Variants in MCUR1 observed in about 807,000 individuals in gnomAD.
MCUR1 encodes mitochondrial calcium uniporter regulator 1.
Under a neutral mutation model 42.0 loss-of-function variants are expected in MCUR1, and 37 were observed. The ratio of observed to expected loss-of-function variants is 0.88; its 90% CI spans 0.68 to 1.16. The LOEUF is 1.16. MCUR1 is among the 50% of genes most tolerant of loss of function. The probability of loss-of-function intolerance (pLI) is 0.00; values close to 1 mark genes in which losing one functional copy is unlikely to be tolerated. For synonymous variants in MCUR1, 229 were observed against 196.2 expected (o/e 1.17, Z -1.40); for missense variants, 469 against 468.4 (o/e 1.00, Z -0.01).
At chr6:13,805,976 C>T (rs974914990) in intron 2 of MCUR1, among the ~76,000 whole-genome samples, 1 of 152,116 alleles carries the variant, frequency 6.6e-6, no homozygotes, top group East Asian at 1.9e-4. Flanking sequence ...AAAAAGAGGG[C>T]TGGGCGCGGT....
At chr6:13,812,557 A>T (rs992698024) in intron 1 of MCUR1, among the ~76,000 whole-genome samples, 1 of 152,240 alleles carries the variant, frequency 6.6e-6, no homozygotes, top group African/African-American at 2.4e-5. Flanking sequence ...AAAATACAGA[A>T]TAAAGACCAA....
intron 1 of MCUR1, 22 bp from the exon 2 acceptor site, chr6:13,807,066 G>GT: frequency 6.3e-7 from 1 of 1,579,944 alleles, no homozygotes; most frequent in Non-Finnish European, 8.6e-7. Context: ...AGGACAGTAA[G>GT]CTCAAAACAG....
At chr6:13,806,090 T>C (rs1410670358) in intron 2 of MCUR1, among the ~76,000 whole-genome samples, 2 of 151,714 alleles carry the variant, frequency 1.3e-5, no homozygotes, top group African/African-American at 4.8e-5. Context: ...CCCATCTCTA[T>C]GAAAAACACA....
intron 2 of MCUR1, among the ~76,000 whole-genome samples, chr6:13,805,898 A>G (rs1760101974): frequency 6.6e-6 from 1 of 152,234 alleles, no homozygotes; most frequent in Admixed American, 6.5e-5. Context: ...AATGAATGCC[A>G]TATATACCAG....
chr6:13,799,787 T>C (rs1304804373), intron 5 of MCUR1, among the ~76,000 whole-genome samples: 4 of 151,952 alleles, frequency 2.6e-5, no homozygotes, highest in Non-Finnish European at 5.9e-5. Context: ...AGAAAAACTT[T>C]TACTTAAAAA....
intron 8 of MCUR1, among the ~76,000 whole-genome samples, chr6:13,791,356 T>C (rs1261079208): frequency 1.3e-5 from 2 of 152,176 alleles, no homozygotes; most frequent in African/African-American, 2.4e-5. Flanking sequence ...AAGAACAACA[T>C]TTCACTGTTA....
At chr6:13,801,245 CT>C in intron 4 of MCUR1, 42 bp downstream of exon 4, 1 of 1,284,404 alleles carries the variant, frequency 7.8e-7, no homozygotes, top group African/African-American at 1.5e-5. Context: ...ATCTCAATGT[CT>C]TAATATAATC....
chr6:13,814,281 C>A lies in MCUR1; in HGVS notation c.149G>T (p.Gly50Val), dbSNP rs754898583. ...RCLSALSDGLGALRPRAPAAR... is the reference protein window; with the variant it reads ...RCLSALSDGLVALRPRAPAAR... ...CGCCGGGGCGCGAGGGCGCAGCGCC[C>A]CCAGACCGTCGGAGAGCGCAGAGAG... Residue 50 changes from glycine to valine, a missense_variant, in exon 1 of 9, where the codon GGG becomes GTG. Gly to Val is a moderately radical substitution (Grantham distance 109, BLOSUM62 -3). Coordinates refer to ENST00000379170, the MANE Select transcript of MCUR1 (RefSeq NM_001031713.4). The A allele has an allele frequency of 5.2e-5, 78 of 1,492,352 alleles. No individual in the cohort carries two copies. The highest frequency in any genetic ancestry group is 6.7e-5 in the Non-Finnish European group (76 of 1,127,654). 92.4% of individuals were successfully genotyped at this position (1,492,352 alleles called of 1,614,324 possible).
intron 6 of MCUR1, among the ~76,000 whole-genome samples, chr6:13,797,063 T>C (rs1584984282): frequency 6.6e-6 from 1 of 152,336 alleles, no homozygotes; most frequent in East Asian, 1.9e-4. Flanking sequence ...TTAATAATTA[T>C]TTTGTATAAC....
rs1464866586 is a variant in MCUR1, at chr6:13,814,278, GC to G, written c.151del (p.Ala51ArgfsTer24). 12 of 1,480,150 alleles carry G rather than the reference GC, an allele frequency of 8.1e-6. No individual in the cohort carries two copies. The highest frequency in any genetic ancestry group is 4.7e-5 in the Admixed American group (2 of 42,700). The allele number at this position is 1,480,150 out of a possible 1,614,324, so 91.7% of individuals were successfully genotyped here. A position where few individuals can be genotyped will look rare whatever the true frequency, so the allele number is the denominator to read the frequency against. On this transcript the variant is annotated frameshift_variant, in exon 1 of 9. Transcript: ENST00000379170. LOFTEE classifies it high-confidence loss of function. ...GGCCGCCGGGGCGCGAGGGCGCAGC[GC>G]CCCCAGACCGTCGGAGAGCGCAGAG... ...CLSALSDGLGALRPRAPAARG... is the reference protein window; with the variant it reads ...CLSALSDGLGXLRPRAPAARG...
chr6:13,806,933 T>G lies in MCUR1; in HGVS notation c.527A>C (p.Glu176Ala). ...GAATGACAGAGGATTACCATTGTCT[T>G]CCAGTAAGCACACTAAGGCATGAGT... ...FDTHALVCLLEDNGFATQQAE... is the reference protein window; with the variant it reads ...FDTHALVCLLADNGFATQQAE... The change falls in exon 2 of 9, where the codon GAA becomes GCA. Residue 176 changes from glutamate (E) to alanine (A), a missense_variant. Transcript: ENST00000379170. The G allele has an allele frequency of 6.2e-7, 1 of 1,604,714 alleles. No individual in the cohort carries two copies. Among genetic ancestry groups the G allele is most frequent in the African/African-American group, 1.3e-5 (1 of 74,766 alleles).
rs772726170 is a variant in MCUR1, at chr6:13,814,384, C to T, written c.46G>A (p.Gly16Ser). The T allele has an allele frequency of 6.5e-6, 10 of 1,532,708 alleles. No individual in the cohort carries two copies. The highest frequency in any genetic ancestry group is 7.0e-6 in the Non-Finnish European group (8 of 1,149,942). 94.9% of individuals were successfully genotyped at this position (1,532,708 alleles called of 1,614,324 possible). ...GGCAAGAAGAGAAGCCGCTGGCGGCCGGGCAGGCGCTGGGTCCTCTGGCCG... is the reference window on the plus strand; with the variant it reads ...GGCAAGAAGAGAAGCCGCTGGCGGCTGGGCAGGCGCTGGGTCCTCTGGCCG... Reference protein sequence around the residue: ...VGGQRTQRLPGRQRLLFLPVG... With the variant: ...VGGQRTQRLPSRQRLLFLPVG... Residue 16 changes from glycine to serine, a missense_variant, in exon 1 of 9, where the codon GGC becomes AGC. Transcript: ENST00000379170.
In MCUR1 at chr6:13,801,372, T is replaced by G; in HGVS notation, c.657A>C (p.Gln219His). The change falls in exon 4 of 9, where the codon CAA becomes CAC. Residue 219 changes from glutamine (Q) to histidine (H), a missense_variant. Gln to His is a conservative substitution (Grantham distance 24). Coordinates refer to ENST00000379170, the MANE Select transcript of MCUR1 (RefSeq NM_001031713.4). ...TKMQQEITFQ[Q>H]VMSQIANVKK... The stretch of plus-strand genomic sequence containing the variant: ...TCACATTCGCAATCTGAGACATTAC[T>G]TGCTGAAAAGTGATTTCCTAGGAAA... 2 of 1,611,480 alleles carry G rather than the reference T, an allele frequency of 1.2e-6. No homozygotes were observed. Among genetic ancestry groups the G allele is most frequent in the African/African-American group, 2.7e-5 (2 of 75,028 alleles).
chr6:13,806,947 T>TA lies in MCUR1; in HGVS notation c.512dup (p.Leu171PhefsTer68), dbSNP rs777507995. ...TACCATTGTCTTCCAGTAAGCACAC[T>TA]AAGGCATGAGTGTCGAAGTAGAGTT... On this transcript the variant is annotated frameshift_variant, in exon 2 of 9. Transcript: ENST00000379170. LOFTEE classifies it high-confidence loss of function. The TA allele has an allele frequency of 1.2e-6, 2 of 1,612,268 alleles. No individual in the cohort carries two copies. Among genetic ancestry groups the TA allele is most frequent in the Non-Finnish European group, 1.7e-6 (2 of 1,178,684 alleles).
At chr6:13,803,674 T>TA in intron 2 of MCUR1, 4 of 823,280 alleles carry the variant, frequency 4.9e-6, no homozygotes, top group Non-Finnish European at 5.6e-6. Flanking sequence ...CAAAATTCTT[T>TA]AATTTTTCAA....
rs997335713 is a variant in MCUR1 at position 13,813,892 on chromosome 6, G to A, written c.415+123C>T. 7 of 1,043,326 alleles carry A rather than the reference G, an allele frequency of 6.7e-6. No individual in the cohort carries two copies. In the South Asian group the frequency reaches 3.0e-4, roughly 45 times the overall value. The allele number at this position is 1,043,326 out of a possible 1,614,324, so 64.6% of individuals were successfully genotyped here. On this transcript the variant is annotated intron_variant, in intron 1 of 8. Transcript: ENST00000379170. Reference sequence around the variant, plus strand: ...ACCCACGCTCCGGGCAGATGCCGGTGGCCTTGGAGGACCCGCCCTCCGGCC... The same window carrying A: ...ACCCACGCTCCGGGCAGATGCCGGTAGCCTTGGAGGACCCGCCCTCCGGCC...
In MCUR1 at chr6:13,787,215, T is replaced by A. The variant is rs1327677164; in HGVS notation, c.*3594A>T. ...CATAGCTACAAAAGGAAAAGCCACA[T>A]GGAAGCAGAGACAAAGGCAATCCCG... On this transcript the variant is annotated 3_prime_UTR_variant, in exon 9 of 9. Coordinates refer to ENST00000379170, the MANE Select transcript of MCUR1 (RefSeq NM_001031713.4). 1 of 152,154 alleles carries A rather than the reference T, an allele frequency of 6.6e-6. No homozygotes were observed. The highest frequency in any genetic ancestry group is 1.9e-4 in the East Asian group (1 of 5,186). 9.4% of individuals were successfully genotyped at this position (152,154 alleles called of 1,614,324 possible).
intron 1 of MCUR1, among the ~76,000 whole-genome samples, chr6:13,810,069 G>A (rs1760199444): frequency 6.6e-6 from 1 of 151,136 alleles, no homozygotes; most frequent in Admixed American, 6.6e-5. Context: ...CATGCGTGGT[G>A]GCAGGCACCT....
intron 1 of MCUR1, among the ~76,000 whole-genome samples, chr6:13,809,492 G>C (rs961970132): frequency 5.3e-5 from 8 of 152,132 alleles, no homozygotes; most frequent in African/African-American, 1.9e-4. Context: ...TTTAGCCACA[G>C]ATCCAATCCA....
Sources: allele counts gnomAD v4.1 joint callset (sites outside exome capture counted in the v4.1 genomes callset), GRCh38; gene constraint gnomAD v4.1.1; transcripts MANE v1.5; gene names NCBI Gene and HGNC (gene_info 2026-07-23, HGNC 2026-07-21).